Variants in TCERG1L observed in about 807,000 individuals in gnomAD.
TCERG1L encodes the protein transcription elongation regulator 1-like protein.
A neutral mutation model predicts 56.3 loss-of-function variants in TCERG1L; 37 were observed. The observed-to-expected ratio is 0.66, with a 90% confidence interval of 0.51 to 0.87. The LOEUF is 0.87. Ranked by LOEUF, TCERG1L falls within the 40% of genes least tolerant of loss-of-function variation. TCERG1L has a pLI of 0.00. For synonymous variants in TCERG1L, 324 were observed against 326.3 expected (o/e 0.99, Z 0.08); for missense variants, 799 against 774.2 (o/e 1.03, Z -0.38).
chr10:131,195,045 A>T (rs990970897), intron 4 of TCERG1L, among the ~76,000 whole-genome samples: 14 of 152,182 alleles, frequency 9.2e-5, no homozygotes, highest in African/African-American at 3.4e-4. Flanking sequence ...TTTAGTGCCC[A>T]TGGACTCCTT....
chr10:131,105,227 A>G (rs550594892), intron 9 of TCERG1L, among the ~76,000 whole-genome samples: 8 of 152,318 alleles, frequency 5.3e-5, no homozygotes, highest in African/African-American at 1.9e-4. Context: ...TGCCATTCTC[A>G]TCATGTCATA....
At chr10:131,100,340 C>T (rs1384682850) in intron 10 of TCERG1L, among the ~76,000 whole-genome samples, 1 of 152,130 alleles carries the variant, frequency 6.6e-6, no homozygotes, top group Non-Finnish European at 1.5e-5. Context: ...CCTGGCTGGC[C>T]GTGGGGTCAG....
chr10:131,174,683 A>T (rs1054839089), intron 4 of TCERG1L, among the ~76,000 whole-genome samples: 1 of 152,220 alleles, frequency 6.6e-6, no homozygotes, highest in African/African-American at 2.4e-5. Flanking sequence ...AGAGTTGACA[A>T]GCTGCAGAGA....
At chr10:131,131,296 C>T (rs139639367) in intron 8 of TCERG1L, among the ~76,000 whole-genome samples, 153 of 152,190 alleles carry the variant, frequency 1.0e-3, no homozygotes, top group African/African-American at 3.4e-3. Flanking sequence ...GAACTGTTCA[C>T]GGGAATGCTC....
chr10:131,292,010 T>C (rs1397717865), intron 3 of TCERG1L, among the ~76,000 whole-genome samples: 1 of 152,250 alleles, frequency 6.6e-6, no homozygotes, highest in Non-Finnish European at 1.5e-5. Flanking sequence ...ATCCATTTGT[T>C]GGTCTTTTAA....
intron 3 of TCERG1L, among the ~76,000 whole-genome samples, chr10:131,291,517 C>A (rs1295083589): frequency 7.1e-6 from 1 of 141,316 alleles, no homozygotes; most frequent in African/African-American, 2.6e-5. Flanking sequence ...AGCTCCGCCT[C>A]CCAGGTTCAT....
At chr10:131,264,702 G>A (rs1400854147) in intron 3 of TCERG1L, among the ~76,000 whole-genome samples, 2 of 152,234 alleles carry the variant, frequency 1.3e-5, no homozygotes, top group Non-Finnish European at 2.9e-5. Flanking sequence ...CATTATCTGA[G>A]GCCTTGGGCA....
chr10:131,168,113 C>T (rs61861351), intron 4 of TCERG1L, among the ~76,000 whole-genome samples: 4,263 of 152,262 alleles, frequency 0.028, 101 homozygotes, highest in African/African-American at 0.057. Flanking sequence ...TCCTGGTAGA[C>T]GGAAGGATGG....
At chr10:131,126,536 G>A (rs1420120634) in intron 8 of TCERG1L, among the ~76,000 whole-genome samples, 5 of 151,638 alleles carry the variant, frequency 3.3e-5, no homozygotes, top group Non-Finnish European at 7.3e-5. Context: ...GGGAGGCAGG[G>A]CAGCTATGTG....
At position 131,118,377 on chromosome 10, in the gene TCERG1L, G is replaced by C. The variant is rs1845481360; in HGVS notation, c.1260-1443C>G. Among the ~76,000 whole-genome samples the C allele has an allele frequency of 1.3e-5, 2 of 152,166 alleles. No individual in the cohort carries two copies. The highest frequency in any genetic ancestry group is 4.8e-5 in the African/African-American group (2 of 41,436). ...AACCGTAGTCTGGGCTTTCTGATTT[G>C]GTCTAGAGGTAAGAGTCTCTCCTGG... On this transcript the variant is annotated intron_variant, in intron 8 of 11. Transcript: ENST00000368642. This position sits in a 1 kb window ranked among gnomAD's most constrained non-coding sequence, Gnocchi z 4.2.
intron 4 of TCERG1L, among the ~76,000 whole-genome samples, chr10:131,200,360 C>T (rs1845418072): frequency 6.6e-6 from 1 of 152,218 alleles, no homozygotes; most frequent in African/African-American, 2.4e-5. Flanking sequence ...GCCACTCCAC[C>T]CCAAGGAGTG....
intron 3 of TCERG1L, among the ~76,000 whole-genome samples, chr10:131,273,887 G>A (rs1366305128): frequency 6.6e-6 from 1 of 152,212 alleles, no homozygotes; most frequent in Admixed American, 6.5e-5. Context: ...TTTACTCAAA[G>A]TGAAAGTCAG....
chr10:131,161,543 T>C (rs917866805), intron 6 of TCERG1L: 9 of 152,216 alleles, frequency 5.9e-5, no homozygotes, highest in Non-Finnish European at 1.2e-4. Flanking sequence ...ATAACACCTG[T>C]GCCTGAGGCT....
At chr10:131,235,779 C>G (rs532210724) in intron 4 of TCERG1L, among the ~76,000 whole-genome samples, 2 of 152,214 alleles carry the variant, frequency 1.3e-5, no homozygotes, top group East Asian at 3.9e-4. Flanking sequence ...CAAAGGCAGA[C>G]AGTGAAGCCA....
intron 3 of TCERG1L, among the ~76,000 whole-genome samples, chr10:131,279,618 C>T (rs1302781153): frequency 2.0e-5 from 3 of 152,192 alleles, no homozygotes; most frequent in Non-Finnish European, 4.4e-5. Flanking sequence ...GCCATGCTGG[C>T]CTGCAATCCA....
chr10:131,232,208 G>T (rs1845860005), intron 4 of TCERG1L, among the ~76,000 whole-genome samples: 1 of 152,214 alleles, frequency 6.6e-6, no homozygotes, highest in Admixed American at 6.5e-5. Context: ...TGAAAACATG[G>T]CTGAGTGGGC....
At chr10:131,264,602 G>C (rs1441391783) in intron 3 of TCERG1L, among the ~76,000 whole-genome samples, 1 of 152,206 alleles carries the variant, frequency 6.6e-6, no homozygotes, top group Non-Finnish European at 1.5e-5. Flanking sequence ...AGGCTTGAGG[G>C]AGCAGCAGGG....
chr10:131,119,589 T>C (rs768001989), intron 8 of TCERG1L, among the ~76,000 whole-genome samples: 3 of 152,242 alleles, frequency 2.0e-5, no homozygotes, highest in Admixed American at 6.5e-5. Flanking sequence ...TGTTGGAGCT[T>C]ATTCAGCACA....
chr10:131,276,762 T>C lies in TCERG1L; in HGVS notation c.671-16318A>G, dbSNP rs75949933. 5.3e-3 allele frequency among the ~76,000 whole-genome samples: 810 copies of C among 152,310 alleles called. 8 individuals carry two copies. Among genetic ancestry groups the C allele is most frequent in the African/African-American group, 0.019 (787 of 41,570 alleles). On this transcript the variant is annotated intron_variant, in intron 3 of 11. Coordinates refer to ENST00000368642, the MANE Select transcript of TCERG1L (RefSeq NM_174937.4). The stretch of plus-strand genomic sequence containing the variant: ...CTGTTCCTGAATCTTCCCAAGTAAG[T>C]GCATGCTGCTTCCTTCCATGACTGT...
Sources: gnomAD v4.1 joint callset for allele counts (sites outside exome capture counted in the v4.1 genomes callset) on GRCh38, gnomAD v4.1.1 for gene constraint, Gnocchi (gnomAD v3.1) non-coding constraint, MANE v1.5 for transcripts, NCBI Gene and HGNC (gene_info 2026-07-23, HGNC 2026-07-21) for gene names.